The following NLGN1 variants were observed in gnomAD, a reference collection of about 807,000 sequenced individuals.
NLGN1 encodes the protein neuroligin 1.
NLGN1 carries 12 observed loss-of-function variants against 65.5 expected under a neutral mutation model. The observed-to-expected ratio is 0.18, with a 90% CI of 0.12 to 0.30. The LOEUF is 0.30. Among genes scored for constraint, NLGN1 ranks in the 10% least tolerant of loss-of-function variants. The pLI, the probability that NLGN1 is intolerant of heterozygous loss-of-function variation, is 1.00. For synonymous variants in NLGN1, 350 were observed against 359.5 expected, an observed-to-expected ratio of 0.97 and a Z score of 0.30; for missense variants, 750 against 1,007.1, an observed-to-expected ratio of 0.74 and a Z score of 3.46.
chr3:173,815,084 C>G (rs1270653979), intron 4 of NLGN1, among the ~76,000 whole-genome samples: 3 of 146,746 alleles, frequency 2.0e-5, no homozygotes, highest in Non-Finnish European at 4.5e-5. Context: ...TTCGTTCCTT[C>G]TTTCCTTCCT....
At chr3:174,000,502 TG>T (rs1723072814) in intron 4 of NLGN1, among the ~76,000 whole-genome samples, 1 of 152,180 alleles carries the variant, frequency 6.6e-6, no homozygotes, top group Admixed American at 6.5e-5. Context: ...TTTTGGATTC[TG>T]TAGGTATTGA....
At chr3:173,811,044 C>A (rs1282173865) in intron 4 of NLGN1, among the ~76,000 whole-genome samples, 1 of 152,214 alleles carries the variant, frequency 6.6e-6, no homozygotes, top group Non-Finnish European at 1.5e-5. Context: ...GACCTCCTGC[C>A]ATTTAGTTTC....
At chr3:174,018,408 G>A (rs1037663170) in intron 4 of NLGN1, among the ~76,000 whole-genome samples, 6 of 152,094 alleles carry the variant, frequency 3.9e-5, no homozygotes, top group African/African-American at 1.2e-4. Context: ...GAAGTGATAA[G>A]TGTCCATGAA....
intron 4 of NLGN1, among the ~76,000 whole-genome samples, chr3:174,033,580 A>G (rs1447643324): frequency 1.3e-5 from 2 of 152,136 alleles, no homozygotes; most frequent in Non-Finnish European, 2.9e-5. Context: ...AACATGAAAA[A>G]CAGGTAACAT....
intron 2 of NLGN1, among the ~76,000 whole-genome samples, chr3:173,589,433 T>C (rs922052428): frequency 2.6e-5 from 4 of 152,206 alleles, no homozygotes; most frequent in Non-Finnish European, 4.4e-5. Context: ...AACTTTCCTC[T>C]ACCTATAATT....
chr3:174,017,958 C>G (rs1013734041), intron 4 of NLGN1, among the ~76,000 whole-genome samples: 1 of 151,992 alleles, frequency 6.6e-6, no homozygotes, highest in Non-Finnish European at 1.5e-5. Context: ...TTTCTTTGTC[C>G]TAATAGGCCT....
chr3:174,249,470 A>G (rs1744393690), intron 4 of NLGN1, among the ~76,000 whole-genome samples: 1 of 152,192 alleles, frequency 6.6e-6, no homozygotes, highest in Non-Finnish European at 1.5e-5. Context: ...GCAAAGATCC[A>G]ATGTCAGTCT....
intron 1 of NLGN1, among the ~76,000 whole-genome samples, chr3:173,419,681 T>G (rs1360703281): frequency 6.6e-6 from 1 of 152,146 alleles, no homozygotes; most frequent in African/African-American, 2.4e-5. Context: ...GATATAATAG[T>G]GACCCCTGGT....
At chr3:173,910,432 T>G (rs1579128194) in intron 4 of NLGN1, 1 of 152,314 alleles carries the variant, frequency 6.6e-6, no homozygotes, top group East Asian at 1.9e-4. Flanking sequence ...GTAATACATA[T>G]GATCATTCTA....
chr3:174,288,821 TTC>T (rs1195343523), downstream of NLGN1, among the ~76,000 whole-genome samples: 8 of 151,668 alleles, frequency 5.3e-5, no homozygotes, highest in African/African-American at 1.9e-4. Flanking sequence ...TACTATTACA[TTC>T]TTTGTTGGCC....
At chr3:173,810,296 T>C (rs1560417677) in intron 4 of NLGN1, among the ~76,000 whole-genome samples, 1 of 152,204 alleles carries the variant, frequency 6.6e-6, no homozygotes, top group South Asian at 2.1e-4. Context: ...CTTTTGAGAT[T>C]GATGTTGTGA....
At chr3:173,686,497 C>G (rs1427400419) in intron 3 of NLGN1, among the ~76,000 whole-genome samples, 1 of 152,040 alleles carries the variant, frequency 6.6e-6, no homozygotes, top group Non-Finnish European at 1.5e-5. Flanking sequence ...TCCTGGTGAT[C>G]TAATCAAACT....
At chr3:173,531,744 T>C (rs1316525501) in intron 2 of NLGN1, among the ~76,000 whole-genome samples, 5 of 152,160 alleles carry the variant, frequency 3.3e-5, no homozygotes, top group African/African-American at 1.2e-4. Flanking sequence ...ATTTCACCTT[T>C]GATTGGCAGC....
At chr3:173,615,189 A>G (rs1354837371) in intron 3 of NLGN1, among the ~76,000 whole-genome samples, 1 of 151,988 alleles carries the variant, frequency 6.6e-6, no homozygotes, top group Non-Finnish European at 1.5e-5. Context: ...GACTATTGCA[A>G]GTGGTGCTTT....
chr3:173,735,034 T>C (rs994541114), intron 3 of NLGN1, among the ~76,000 whole-genome samples: 1 of 152,104 alleles, frequency 6.6e-6, no homozygotes, highest in Non-Finnish European at 1.5e-5. Flanking sequence ...TTGTCAGTTA[T>C]AAATCCAGCT....
chr3:173,986,002 T>A (rs141738970), intron 4 of NLGN1, among the ~76,000 whole-genome samples: 41 of 152,176 alleles, frequency 2.7e-4, no homozygotes, highest in Admixed American at 6.5e-4. Context: ...TCTGCTGTGA[T>A]TTGAATTATA....
At chr3:173,900,107 A>T (rs1737060452) in intron 4 of NLGN1, among the ~76,000 whole-genome samples, 1 of 152,108 alleles carries the variant, frequency 6.6e-6, no homozygotes, top group African/African-American at 2.4e-5. Context: ...TGGAGCTATT[A>T]AAAAGAGGGT....
chr3:173,756,484 A>G (rs1777140037), intron 3 of NLGN1, among the ~76,000 whole-genome samples: 1 of 151,912 alleles, frequency 6.6e-6, no homozygotes, highest in Non-Finnish European at 1.5e-5. Context: ...AAATATAATC[A>G]TGAATTCTTC....
Position 174,001,724 on chromosome 3 carries a change from C to T in NLGN1, c.646+193892C>T, listed in dbSNP as rs1216025770. Among the ~76,000 whole-genome samples the T allele has an allele frequency of 2.6e-5, 4 of 151,960 alleles. No individual in the cohort carries two copies. In the East Asian group the frequency reaches 5.8e-4, roughly 22 times the overall value. On this transcript the variant is annotated intron_variant, in intron 4 of 6. Transcript: ENST00000457714. Reference sequence around the variant, plus strand: ...GTACAACAGTTAGCTGAGTATCTGGCATATGGAAAGCATTGGTTAATATGA... The same window carrying T: ...GTACAACAGTTAGCTGAGTATCTGGTATATGGAAAGCATTGGTTAATATGA...
Sources: gnomAD v4.1 joint callset for allele counts (sites outside exome capture counted in the v4.1 genomes callset) on GRCh38, gnomAD v4.1.1 for gene constraint, MANE v1.5 for transcripts, NCBI Gene and HGNC (gene_info 2026-07-23, HGNC 2026-07-21) for gene names.